Variants in UMAD1 observed in about 807,000 individuals in gnomAD.
UMAD1 encodes UBAP1-MVB12-associated (UMA)-domain containing protein 1.
In UMAD1, 8 loss-of-function variants were observed where a neutral mutation model predicts 6.1. The observed-to-expected ratio is 1.30, with a 90% CI of 0.76 to 2.35. The LOEUF (loss-of-function observed/expected upper bound fraction) is 2.35. Among genes scored for constraint, UMAD1 ranks in the 30% most tolerant of loss-of-function variants. UMAD1 has a pLI of 0.00. For synonymous variants in UMAD1, 56 were observed against 31.4 expected (o/e 1.78, Z -2.61); for missense variants, 130 against 78.4 (o/e 1.66, Z -2.49).
chr7:7,802,187 G>A (rs1782814674), intron 3 of UMAD1, among the ~76,000 whole-genome samples: 1 of 152,170 alleles, frequency 6.6e-6, no homozygotes, highest in Non-Finnish European at 1.5e-5. Context: ...AGACCATCCT[G>A]GCCAACATGG....
At chr7:7,712,779 A>G (rs1283383357) in intron 2 of UMAD1, among the ~76,000 whole-genome samples, 1 of 152,206 alleles carries the variant, frequency 6.6e-6, no homozygotes, top group African/African-American at 2.4e-5. Context: ...TAATGTTTGC[A>G]ATTGTGAACT....
chr7:7,824,142 C>T (rs960746), intron 3 of UMAD1, among the ~76,000 whole-genome samples: 1 of 151,864 alleles, frequency 6.6e-6, no homozygotes, highest in African/African-American at 2.4e-5. Flanking sequence ...AGAGAGGAAC[C>T]ACTTGTAACT....
At chr7:7,657,581 A>C (rs545584959) in intron 1 of UMAD1, among the ~76,000 whole-genome samples, 3 of 152,070 alleles carry the variant, frequency 2.0e-5, no homozygotes, top group African/African-American at 7.2e-5. Flanking sequence ...TCCCTTCCCC[A>C]TGCTTGTTTT....
intron 3 of UMAD1, among the ~76,000 whole-genome samples, chr7:7,838,547 G>C (rs1259666698): frequency 6.6e-6 from 1 of 152,066 alleles, no homozygotes; most frequent in Non-Finnish European, 1.5e-5. Context: ...CAATAATCTG[G>C]CATTTCTTCA....
intron 3 of UMAD1, among the ~76,000 whole-genome samples, chr7:7,865,023 A>G (rs747339139): frequency 2.6e-5 from 4 of 152,150 alleles, no homozygotes; most frequent in African/African-American, 4.8e-5. Flanking sequence ...GGGAGCCCCA[A>G]ACTCCTTCCC....
chr7:7,664,968 G>T (rs1779400452), intron 1 of UMAD1, among the ~76,000 whole-genome samples: 1 of 151,798 alleles, frequency 6.6e-6, no homozygotes, highest in Non-Finnish European at 1.5e-5. Flanking sequence ...CATATTTATT[G>T]TATTTGGAAT....
intron 2 of UMAD1, among the ~76,000 whole-genome samples, chr7:7,695,896 A>C (rs562007572): frequency 2.0e-5 from 3 of 151,426 alleles, no homozygotes; most frequent in African/African-American, 7.3e-5. Context: ...TTAGTATCCA[A>C]CCATGGCAGG....
intron 2 of UMAD1, among the ~76,000 whole-genome samples, chr7:7,732,156 G>T (rs980666663): frequency 6.6e-6 from 1 of 151,902 alleles, no homozygotes; most frequent in African/African-American, 2.4e-5. Flanking sequence ...AGTAATTCCT[G>T]TTCCTTTTAA....
At chr7:7,796,533 G>T (rs1194803038) in intron 2 of UMAD1, among the ~76,000 whole-genome samples, 1 of 152,062 alleles carries the variant, frequency 6.6e-6, no homozygotes, top group Non-Finnish European at 1.5e-5. Context: ...TTACAGGCGT[G>T]AGCCACCGTG....
At chr7:7,836,001 T>C (rs1583861461) in intron 3 of UMAD1, among the ~76,000 whole-genome samples, 1 of 152,072 alleles carries the variant, frequency 6.6e-6, no homozygotes, top group East Asian at 1.9e-4. Flanking sequence ...TTTTGCTTTC[T>C]TCCTGTAACA....
chr7:7,867,262 A>G (rs1784249899), intron 3 of UMAD1, among the ~76,000 whole-genome samples: 1 of 152,220 alleles, frequency 6.6e-6, no homozygotes, highest in Non-Finnish European at 1.5e-5. Flanking sequence ...AACTCTAGAG[A>G]GAAATCCGAG....
chr7:7,745,698 T>C (rs1781558932), intron 2 of UMAD1, among the ~76,000 whole-genome samples: 1 of 152,198 alleles, frequency 6.6e-6, no homozygotes, highest in Non-Finnish European at 1.5e-5. Flanking sequence ...TTGCAGATCA[T>C]AGAAGGAGAC....
intron 2 of UMAD1, among the ~76,000 whole-genome samples, chr7:7,759,033 A>G (rs1018512752): frequency 6.6e-6 from 1 of 152,224 alleles, no homozygotes; most frequent in African/African-American, 2.4e-5. Flanking sequence ...GATCTTTTCT[A>G]GCTCAAAATT....
intron 1 of UMAD1, among the ~76,000 whole-genome samples, chr7:7,654,255 G>A (rs1409065903): frequency 6.6e-6 from 1 of 152,212 alleles, no homozygotes; most frequent in African/African-American, 2.4e-5. Context: ...AGTAATGGAG[G>A]AGAGTAAAAT....
At chr7:7,826,024 T>C (rs1472474455) in intron 3 of UMAD1, among the ~76,000 whole-genome samples, 1 of 152,190 alleles carries the variant, frequency 6.6e-6, no homozygotes, top group East Asian at 1.9e-4. Context: ...TATGATGTAG[T>C]GTTTTTAAAG....
At chr7:7,800,438 A>C (rs997379528) in intron 2 of UMAD1, among the ~76,000 whole-genome samples, 1 of 152,144 alleles carries the variant, frequency 6.6e-6, no homozygotes, top group Non-Finnish European at 1.5e-5. Flanking sequence ...TATTACTTTA[A>C]TCACTTTTTT....
At chr7:7,766,046 T>A (rs912275163) in intron 2 of UMAD1, among the ~76,000 whole-genome samples, 2 of 152,222 alleles carry the variant, frequency 1.3e-5, no homozygotes, top group African/African-American at 4.8e-5. Context: ...GTCATTTGTT[T>A]GGGATGGATC....
intron 2 of UMAD1, among the ~76,000 whole-genome samples, chr7:7,716,770 C>G (rs980275520): frequency 2.0e-5 from 3 of 152,188 alleles, no homozygotes; most frequent in African/African-American, 4.8e-5. Flanking sequence ...ACGGTGAAAC[C>G]CCGTCTCTAC....
chr7:7,742,395 G>T, intron 2 of UMAD1: 2 of 585,798 alleles, frequency 3.4e-6, no homozygotes, highest in East Asian at 3.7e-5. Context: ...CGGAGTCGCA[G>T]TGTCTTGGGC....
Sources: allele counts gnomAD v4.1 joint callset (sites outside exome capture counted in the v4.1 genomes callset), GRCh38; gene constraint gnomAD v4.1.1; transcripts MANE v1.5; gene names NCBI Gene and HGNC (gene_info 2026-07-23, HGNC 2026-07-21).